Variants in DIS3L2 observed in about 807,000 individuals in gnomAD.
DIS3L2 encodes DIS3 like 3'-5' exoribonuclease 2.
A neutral mutation model predicts 97.5 loss-of-function variants in DIS3L2; 34 were observed. The ratio of observed to expected loss-of-function variants is 0.35; its 90% CI spans 0.27 to 0.46. DIS3L2 has a LOEUF of 0.46. DIS3L2 is among the 20% of genes least tolerant of loss of function. The probability of loss-of-function intolerance (pLI) is 1.00; values close to 1 mark genes in which losing one functional copy is unlikely to be tolerated. For missense variants in DIS3L2, 1,038 were observed against 1,146.0 expected, an observed-to-expected ratio of 0.91 and a Z score of 1.36; for synonymous variants, 435 against 445.2, an observed-to-expected ratio of 0.98 and a Z score of 0.29.
At chr2:231,971,272 AT>A (rs35737444) in intron 1 of DIS3L2, among the ~76,000 whole-genome samples, 119 of 145,084 alleles carry the variant, frequency 8.2e-4, no homozygotes, top group Non-Finnish European at 7.3e-4. Context: ...TTATTTTGTC[AT>A]TTTTTTTTTT....
chr2:232,202,524 A>G (rs1468093561), intron 9 of DIS3L2, among the ~76,000 whole-genome samples: 7 of 152,260 alleles, frequency 4.6e-5, no homozygotes, highest in Non-Finnish European at 1.0e-4. Flanking sequence ...TTTCATCACT[A>G]TCCTTTAAAA....
chr2:232,070,732 G>A (rs180699586), intron 5 of DIS3L2, among the ~76,000 whole-genome samples: 3 of 152,020 alleles, frequency 2.0e-5, no homozygotes, highest in African/African-American at 4.8e-5. Context: ...CTACAGGCGC[G>A]TACCACCACA....
At chr2:232,058,112 C>CA (rs1231627578) in intron 5 of DIS3L2, among the ~76,000 whole-genome samples, 1 of 152,146 alleles carries the variant, frequency 6.6e-6, no homozygotes, top group Non-Finnish European at 1.5e-5. Flanking sequence ...TATTTCTTCC[C>CA]ATAAGTGAAC....
At chr2:232,257,329 A>C (rs1377147859) in intron 12 of DIS3L2, among the ~76,000 whole-genome samples, 1 of 152,072 alleles carries the variant, frequency 6.6e-6, no homozygotes. Flanking sequence ...CCTTTCCACC[A>C]CAGGCATGAC....
At chr2:232,334,938 C>T in intron 19 of DIS3L2, 1 of 562,948 alleles carries the variant, frequency 1.8e-6, no homozygotes, top group Non-Finnish European at 3.2e-6. Context: ...GGCCCCCTTC[C>T]CCAAGGACCC....
chr2:232,222,457 G>A (rs1692531614), intron 10 of DIS3L2, among the ~76,000 whole-genome samples: 1 of 151,952 alleles, frequency 6.6e-6, no homozygotes, highest in Non-Finnish European at 1.5e-5. Context: ...TCATTCATCT[G>A]GGGCACTGAC....
At chr2:231,976,145 A>G (rs959788291) in intron 1 of DIS3L2, among the ~76,000 whole-genome samples, 1 of 152,180 alleles carries the variant, frequency 6.6e-6, no homozygotes, top group Admixed American at 6.6e-5. Flanking sequence ...GATGAATTGC[A>G]TAGTGGCGAA....
Position 232,336,537 on chromosome 2 carries a change from C to G in DIS3L2, c.2565C>G (p.Ala855=). The change falls in exon 21 of 21, where the codon GCC becomes GCG. Residue 855 remains alanine (A), a synonymous_variant. Coordinates refer to ENST00000325385, the MANE Select transcript of DIS3L2 (RefSeq NM_152383.5). The part of the protein sequence containing the change: ...QAESTALKYS[A]ILKRPGTQGH... ...AGTCCACAGCCCTCAAGTACAGCGCCATCCTGAAGCGGCCAGGCACCCAGG... is the reference window on the plus strand; with the variant it reads ...AGTCCACAGCCCTCAAGTACAGCGCGATCCTGAAGCGGCCAGGCACCCAGG... 1 of 1,610,466 alleles carries G rather than the reference C, an allele frequency of 6.2e-7. No homozygotes were observed. Among genetic ancestry groups the G allele is most frequent in the South Asian group, 1.1e-5 (1 of 91,062 alleles).
At chr2:232,167,245 A>G (rs1218446050) in intron 9 of DIS3L2, among the ~76,000 whole-genome samples, 1 of 152,168 alleles carries the variant, frequency 6.6e-6, no homozygotes, top group African/African-American at 2.4e-5. Flanking sequence ...AAAACTATAC[A>G]TGAATTTACT....
intron 13 of DIS3L2, among the ~76,000 whole-genome samples, chr2:232,270,860 GTCTCTCTCTCTCTC>G (rs71056262): frequency 0.079 from 8,182 of 103,764 alleles, 383 homozygotes; most frequent in Non-Finnish European, 0.099. Context: ...TCTTTTTCTC[GTCTCTCTCTCTCTC>G]TCTCTCTCTC....
intron 9 of DIS3L2, among the ~76,000 whole-genome samples, chr2:232,175,096 T>G (rs1398959990): frequency 6.6e-6 from 1 of 152,198 alleles, no homozygotes; most frequent in Non-Finnish European, 1.5e-5. Flanking sequence ...CCCAAAGTGC[T>G]GGGATTACAG....
In DIS3L2 at chr2:232,207,983, AAAATT is replaced by A. The variant is rs1450802129; in HGVS notation, c.1125-2340_1125-2336del. On this transcript the variant is annotated intron_variant, in intron 9 of 20. Transcript: ENST00000325385. ...TGAAAAAGTACACATTAAAGGGAAA[AAAATT>A]AATCCATAAATCTAGCACCCGTCGA... is the stretch of plus-strand genomic sequence containing the variant. 9.2e-5 allele frequency among the ~76,000 whole-genome samples: 14 copies of A among 152,212 alleles called. 1 individual carries two copies. The highest frequency in any genetic ancestry group is 6.5e-4 in the Admixed American group (10 of 15,278).
At chr2:232,209,978 T>C (rs1195284781) in intron 9 of DIS3L2, among the ~76,000 whole-genome samples, 1 of 152,242 alleles carries the variant, frequency 6.6e-6, no homozygotes, top group Admixed American at 6.5e-5. Context: ...TTTACCAAAG[T>C]GTAAATTGAA....
intron 17 of DIS3L2, 58 bp from the exon 18 acceptor site, chr2:232,334,311 C>A (rs1414955980): frequency 1.9e-6 from 3 of 1,579,794 alleles, no homozygotes; most frequent in Admixed American, 1.7e-5. Flanking sequence ...CATCCCCCAG[C>A]CATAGCTCTT....
At chr2:232,184,458 C>G (rs982283743) in intron 9 of DIS3L2, among the ~76,000 whole-genome samples, 6 of 152,086 alleles carry the variant, frequency 3.9e-5, no homozygotes, top group Non-Finnish European at 8.8e-5. Context: ...CCAGACTAGC[C>G]TGGGCAACAC....
intron 14 of DIS3L2, among the ~76,000 whole-genome samples, chr2:232,321,251 G>C (rs1372062495): frequency 6.6e-6 from 1 of 152,212 alleles, no homozygotes; most frequent in African/African-American, 2.4e-5. Flanking sequence ...AGGACCTCAT[G>C]CCACACTCAG....
intron 1 of DIS3L2, among the ~76,000 whole-genome samples, chr2:231,994,105 A>G (rs1338718017): frequency 7.1e-6 from 1 of 141,558 alleles, no homozygotes; most frequent in Non-Finnish European, 1.5e-5. Flanking sequence ...TGGTCTATTG[A>G]TGTCCAGTTG....
intron 8 of DIS3L2, among the ~76,000 whole-genome samples, chr2:232,157,358 A>G (rs2106371659): frequency 6.6e-6 from 1 of 152,278 alleles, no homozygotes; most frequent in Middle Eastern, 3.4e-3. Context: ...AAATCAGAGC[A>G]CCAATGCATC....
In DIS3L2 at chr2:232,079,482, C is replaced by A. The variant is rs1322291461; in HGVS notation, c.367-8005C>A. Among the ~76,000 whole-genome samples the A allele has an allele frequency of 3.3e-5, 5 of 151,540 alleles. No individual in the cohort carries two copies. The East Asian group carries it at 7.8e-4, about 24-fold the overall frequency. ...GTGGTGGCTGGCGGGCACCTGTAGT[C>A]CCAGCTACTTGGGAGGCTGAGGCAG... On this transcript the variant is annotated intron_variant, in intron 5 of 20. Transcript: ENST00000325385.
Sources: allele counts gnomAD v4.1 joint callset (sites outside exome capture counted in the v4.1 genomes callset), GRCh38; gene constraint gnomAD v4.1.1; transcripts MANE v1.5; gene names NCBI Gene and HGNC (gene_info 2026-07-23, HGNC 2026-07-21).